The following PTPRM variants were observed in gnomAD, a reference collection of about 807,000 sequenced individuals.
PTPRM encodes receptor-type tyrosine-protein phosphatase mu.
PTPRM carries 47 observed loss-of-function variants against 186.7 expected under a neutral mutation model. The observed-to-expected ratio is 0.25, with a 90% CI of 0.20 to 0.32. The LOEUF (loss-of-function observed/expected upper bound fraction) is 0.32. Ranked by LOEUF, PTPRM falls within the 10% of genes least tolerant of loss-of-function variation. The pLI is 1.00. For missense variants in PTPRM, 1,494 were observed against 1,865.0 expected (o/e 0.80, Z 3.66); for synonymous variants, 668 against 674.9 (o/e 0.99, Z 0.16).
chr18:7,839,722 C>T (rs1248595187), intron 2 of PTPRM, among the ~76,000 whole-genome samples: 1 of 152,160 alleles, frequency 6.6e-6, no homozygotes, highest in Non-Finnish European at 1.5e-5. Context: ...TTACATGCCA[C>T]CAAGTCCACT....
chr18:8,113,781 T>C (rs1472421127), intron 12 of PTPRM, 22 bp downstream of exon 12: 2 of 1,588,978 alleles, frequency 1.3e-6, no homozygotes, highest in Non-Finnish European at 1.7e-6. Flanking sequence ...AGATAACTGT[T>C]TACTTAGGCT....
intron 4 of PTPRM, among the ~76,000 whole-genome samples, chr18:7,925,506 G>A (rs993711592): frequency 1.3e-5 from 2 of 152,126 alleles, no homozygotes; most frequent in African/African-American, 2.4e-5. Flanking sequence ...GCACTAGTTT[G>A]TAATCTTTTG....
intron 14 of PTPRM, among the ~76,000 whole-genome samples, chr18:8,215,633 G>A (rs185112601): frequency 2.9e-5 from 4 of 139,272 alleles, no homozygotes; most frequent in East Asian, 4.8e-4. Flanking sequence ...GCCCATACCC[G>A]CCGGGCTCAA....
intron 1 of PTPRM, among the ~76,000 whole-genome samples, chr18:7,588,446 T>C (rs2037037782): frequency 6.6e-6 from 1 of 152,198 alleles, no homozygotes; most frequent in Non-Finnish European, 1.5e-5. Flanking sequence ...TTTGATAAAA[T>C]AGATTTTAAT....
At chr18:7,944,586 C>T (rs1230588824) in intron 5 of PTPRM, among the ~76,000 whole-genome samples, 28 of 152,150 alleles carry the variant, frequency 1.8e-4, no homozygotes, top group Admixed American at 1.8e-3. Flanking sequence ...CCTGCCATAC[C>T]AAGAAGCACT....
intron 13 of PTPRM, among the ~76,000 whole-genome samples, chr18:8,133,250 C>A (rs1032277472): frequency 1.6e-4 from 25 of 152,154 alleles, no homozygotes; most frequent in African/African-American, 5.8e-4. Context: ...TTGCAGAGGA[C>A]ATTCAAACCA....
chr18:8,086,680 CT>C (rs1170740953), intron 10 of PTPRM, among the ~76,000 whole-genome samples: 1 of 152,034 alleles, frequency 6.6e-6, no homozygotes, highest in African/African-American at 2.4e-5. Context: ...TTAGCCTGAC[CT>C]TTATATCTTT....
At chr18:8,183,507 G>A (rs746910634) in intron 14 of PTPRM, among the ~76,000 whole-genome samples, 2 of 152,148 alleles carry the variant, frequency 1.3e-5, no homozygotes, top group Non-Finnish European at 2.9e-5. Context: ...GAGGTTTCCT[G>A]GCTGCTTTTT....
intron 7 of PTPRM, among the ~76,000 whole-genome samples, chr18:7,984,673 C>T (rs1754027719): frequency 8.7e-6 from 1 of 115,406 alleles, no homozygotes. Context: ...TATATACACA[C>T]ATATATAATT....
intron 1 of PTPRM, among the ~76,000 whole-genome samples, chr18:7,574,195 G>T (rs1350864640): frequency 6.6e-6 from 1 of 152,132 alleles, no homozygotes; most frequent in Admixed American, 6.5e-5. Context: ...AATACGGCCG[G>T]TATTACCAAC....
intron 7 of PTPRM, among the ~76,000 whole-genome samples, chr18:8,050,027 A>G (rs1377867262): frequency 6.6e-6 from 1 of 152,120 alleles, no homozygotes. Context: ...GTGAGTTTTT[A>G]TTGCAACTAA....
chr18:8,278,892 C>G (rs1188232289), intron 19 of PTPRM, among the ~76,000 whole-genome samples: 1 of 152,094 alleles, frequency 6.6e-6, no homozygotes, highest in Non-Finnish European at 1.5e-5. Flanking sequence ...CTGTTTACTT[C>G]TTTTTCCAAA....
chr18:7,672,743 C>T lies in PTPRM; in HGVS notation c.74-101406C>T, dbSNP rs1328707560. Among the ~76,000 whole-genome samples the T allele has an allele frequency of 2.0e-5, 3 of 152,260 alleles. No individual in the cohort carries two copies. The East Asian group carries it at 5.8e-4, about 29-fold the overall frequency. ...TCTCTCTGTGCAACTTAGTTGTGCACCACAGAAAACTGGAGGACTCGGAGG... is the reference window on the plus strand; with the variant it reads ...TCTCTCTGTGCAACTTAGTTGTGCATCACAGAAAACTGGAGGACTCGGAGG... On this transcript the variant is annotated intron_variant, in intron 1 of 32. Transcript: ENST00000580170.
At chr18:8,168,898 C>G (rs16952983) in intron 14 of PTPRM, among the ~76,000 whole-genome samples, 2,378 of 152,260 alleles carry the variant, frequency 0.016, 64 homozygotes, top group African/African-American at 0.054. Context: ...GACTCCATGC[C>G]ATGGTAGATA....
At chr18:8,012,217 T>A (rs1433484088) in intron 7 of PTPRM, among the ~76,000 whole-genome samples, 1 of 152,378 alleles carries the variant, frequency 6.6e-6, no homozygotes, top group East Asian at 1.9e-4. Context: ...CATAATTTCC[T>A]TTATTGATTC....
intron 1 of PTPRM, among the ~76,000 whole-genome samples, chr18:7,652,780 C>G (rs1332798365): frequency 6.7e-6 from 1 of 149,076 alleles, no homozygotes; most frequent in Non-Finnish European, 1.5e-5. Flanking sequence ...GGAGGGATAG[C>G]ATTGGGAGAT....
chr18:8,333,487 C>T (rs1374142526), intron 22 of PTPRM, among the ~76,000 whole-genome samples: 1 of 152,132 alleles, frequency 6.6e-6, no homozygotes, highest in Non-Finnish European at 1.5e-5. Flanking sequence ...GTTATGGAAG[C>T]ATCATATTGA....
intron 20 of PTPRM, among the ~76,000 whole-genome samples, chr18:8,298,888 A>C (rs2095124960): frequency 6.6e-6 from 1 of 152,120 alleles, no homozygotes; most frequent in Non-Finnish European, 1.5e-5. Flanking sequence ...CTGAGGTGGG[A>C]GGATTGCTTG....
intron 1 of PTPRM, among the ~76,000 whole-genome samples, chr18:7,732,948 A>T (rs2040692610): frequency 6.6e-6 from 1 of 152,204 alleles, no homozygotes; most frequent in Non-Finnish European, 1.5e-5. Flanking sequence ...ACTACAATAT[A>T]GGCTAGACAT....
Sources: allele counts gnomAD v4.1 joint callset (sites outside exome capture counted in the v4.1 genomes callset), GRCh38; gene constraint gnomAD v4.1.1; transcripts MANE v1.5; gene names NCBI Gene and HGNC (gene_info 2026-07-23, HGNC 2026-07-21).